The following SLCO1B3 variants were observed in gnomAD, a reference collection of about 807,000 sequenced individuals.
SLCO1B3 encodes the protein liver-specific organic anion transporter 2.
In SLCO1B3, 72 loss-of-function variants were observed where a neutral mutation model predicts 71.8. The ratio of observed to expected loss-of-function variants is 1.00; its 90% confidence interval spans 0.83 to 1.22. The LOEUF is 1.22. Ranked by LOEUF, SLCO1B3 falls within the 50% of genes most tolerant of loss-of-function variation. SLCO1B3 has a pLI of 0.00. For synonymous variants in SLCO1B3, 298 were observed against 278.4 expected (o/e 1.07, Z -0.70); for missense variants, 911 against 819.7 (o/e 1.11, Z -1.36).
At chr12:20,837,175 A>T (rs1864701485) in intron 3 of SLCO1B3, among the ~76,000 whole-genome samples, 1 of 151,652 alleles carries the variant, frequency 6.6e-6, no homozygotes, top group African/African-American at 2.4e-5. Flanking sequence ...GTTATTTTTG[A>T]TATTGGTAAT....
intron 8 of SLCO1B3, among the ~76,000 whole-genome samples, chr12:20,865,289 A>G (rs1184389212): frequency 6.6e-6 from 1 of 152,182 alleles, no homozygotes; most frequent in East Asian, 1.9e-4. Flanking sequence ...ATGAAACAAT[A>G]TGATCACATA....
At chr12:20,868,145 T>G (rs932073363) in intron 8 of SLCO1B3, among the ~76,000 whole-genome samples, 3 of 152,218 alleles carry the variant, frequency 2.0e-5, no homozygotes, top group Non-Finnish European at 4.4e-5. Flanking sequence ...TGACTGTTTA[T>G]GCTATTGGTA....
At chr12:20,841,641 A>G (rs1180824347) in intron 3 of SLCO1B3, among the ~76,000 whole-genome samples, 2 of 152,086 alleles carry the variant, frequency 1.3e-5, no homozygotes, top group South Asian at 2.1e-4. Context: ...ATTGTGTGTC[A>G]TGGGAGTTTG....
At chr12:20,848,582 A>G (rs1864960351) in intron 3 of SLCO1B3, among the ~76,000 whole-genome samples, 1 of 152,174 alleles carries the variant, frequency 6.6e-6, no homozygotes, top group Non-Finnish European at 1.5e-5. Flanking sequence ...AAAAGCAACC[A>G]AGATATCTTT....
At chr12:20,869,737 T>C (rs547440706) in intron 8 of SLCO1B3, among the ~76,000 whole-genome samples, 2 of 152,334 alleles carry the variant, frequency 1.3e-5, no homozygotes, top group East Asian at 3.9e-4. Context: ...TTCATCTCTC[T>C]GTAGATATTA....
chr12:20,824,017 C>A (rs1199718540), intron 3 of SLCO1B3, among the ~76,000 whole-genome samples: 1 of 152,158 alleles, frequency 6.6e-6, no homozygotes, highest in Non-Finnish European at 1.5e-5. Context: ...TCTTATTAAA[C>A]TTATGCAAAT....
chr12:20,900,597 T>G (rs138160405), intron 14 of SLCO1B3, among the ~76,000 whole-genome samples: 2 of 152,210 alleles, frequency 1.3e-5, no homozygotes, highest in African/African-American at 4.8e-5. Flanking sequence ...CCACTGAAAA[T>G]ATATGCACCA....
intron 3 of SLCO1B3, among the ~76,000 whole-genome samples, chr12:20,818,646 A>T (rs992214456): frequency 4.6e-5 from 7 of 152,314 alleles, no homozygotes; most frequent in African/African-American, 1.7e-4. Flanking sequence ...TTCCTTGAGG[A>T]TAGATTTCTA....
intron 13 of SLCO1B3, among the ~76,000 whole-genome samples, chr12:20,884,917 C>G (rs369752712): frequency 7.2e-5 from 11 of 152,074 alleles, no homozygotes; most frequent in Non-Finnish European, 5.9e-5. Context: ...ACAAGTATAG[C>G]TTCATCTTAA....
At chr12:20,904,601 G>C (rs1866198179) in intron 15 of SLCO1B3, among the ~76,000 whole-genome samples, 2 of 151,830 alleles carry the variant, frequency 1.3e-5, no homozygotes, top group African/African-American at 4.8e-5. Context: ...GAGTCTGGAG[G>C]ACAGTGGCCC....
chr12:20,897,080 T>G (rs963067073), intron 13 of SLCO1B3, among the ~76,000 whole-genome samples: 1 of 152,150 alleles, frequency 6.6e-6, no homozygotes, highest in African/African-American at 2.4e-5. Context: ...ATTATGTGAG[T>G]AAAATTCAAG....
chr12:20,817,849 G>C (rs528882875), intron 3 of SLCO1B3, among the ~76,000 whole-genome samples: 6 of 151,854 alleles, frequency 4.0e-5, no homozygotes, highest in East Asian at 1.9e-4. Flanking sequence ...CTCGGCCTCC[G>C]AAAGTGCTGG....
chr12:20,892,955 A>G (rs1865932834), intron 13 of SLCO1B3, among the ~76,000 whole-genome samples: 1 of 152,174 alleles, frequency 6.6e-6, no homozygotes, highest in South Asian at 2.1e-4. Flanking sequence ...AGTACAGTAA[A>G]GGATGAGATG....
chr12:20,901,692 A>C (rs1300762577), intron 15 of SLCO1B3, among the ~76,000 whole-genome samples: 3 of 152,196 alleles, frequency 2.0e-5, no homozygotes, highest in Admixed American at 6.5e-5. Flanking sequence ...TATGAAGAAA[A>C]CAAGATTGAA....
Position 20,916,434 on chromosome 12 carries a change from C to A in SLCO1B3, c.*187C>A. On this transcript the variant is annotated 3_prime_UTR_variant, in exon 16 of 16. Transcript: ENST00000381545. ...ATGGTTAAGATTAGAATATATGATCCATAAAAATTTAAAGTGAGAGGCATG... is the reference window on the plus strand; with the variant it reads ...ATGGTTAAGATTAGAATATATGATCAATAAAAATTTAAAGTGAGAGGCATG... The A allele has an allele frequency of 4.1e-6, 2 of 482,614 alleles. No individual in the cohort carries two copies. The highest frequency in any genetic ancestry group is 3.7e-5 in the South Asian group (1 of 26,938). 29.9% of individuals were successfully genotyped at this position (482,614 alleles called of 1,614,324 possible).
chr12:20,827,141 TG>T (rs2121113864), intron 3 of SLCO1B3, among the ~76,000 whole-genome samples: 2 of 110,166 alleles, frequency 1.8e-5, no homozygotes, highest in African/African-American at 8.1e-5. Flanking sequence ...TACACAAAGA[TG>T]ACCATGTTTT....
intron 15 of SLCO1B3, among the ~76,000 whole-genome samples, chr12:20,906,719 C>G (rs1472506948): frequency 1.3e-5 from 2 of 152,114 alleles, no homozygotes; most frequent in Non-Finnish European, 2.9e-5. Flanking sequence ...GATTGCAGCT[C>G]TGTTATTATC....
Position 20,916,269 on chromosome 12 carries a change from T to C in SLCO1B3, c.*22T>C. On this transcript the variant is annotated 3_prime_UTR_variant, in exon 16 of 16. Coordinates refer to ENST00000381545, the MANE Select transcript of SLCO1B3 (RefSeq NM_019844.4). ...CTAACATTGCATTGATTCATTAAGA[T>C]GTTATTTTTGAGGTGTTCCTGGTCT... 1 of 1,603,258 alleles carries C rather than the reference T, an allele frequency of 6.2e-7. No individual in the cohort carries two copies. The highest frequency in any genetic ancestry group is 8.5e-7 in the Non-Finnish European group (1 of 1,173,872).
chr12:20,860,599 TTGTGTGTGTGTG>T (rs34409706), intron 5 of SLCO1B3, among the ~76,000 whole-genome samples: 5 of 146,734 alleles, frequency 3.4e-5, no homozygotes, highest in African/African-American at 7.6e-5. Flanking sequence ...GTCAAGCACT[TTGTGTGTGTGTG>T]TGTGTGTGTG....
Sources: allele counts gnomAD v4.1 joint callset (sites outside exome capture counted in the v4.1 genomes callset), GRCh38; gene constraint gnomAD v4.1.1; transcripts MANE v1.5; gene names NCBI Gene and HGNC (gene_info 2026-07-23, HGNC 2026-07-21).